The following MYO5A variants were observed in gnomAD, a reference collection of about 807,000 sequenced individuals.
MYO5A encodes the protein myosin VA, also known as unconventional myosin-Va.
A neutral mutation model predicts 249.7 loss-of-function variants in MYO5A; 98 were observed. The ratio of observed to expected loss-of-function variants is 0.39; its 90% confidence interval spans 0.33 to 0.46. MYO5A has a LOEUF of 0.46. Ranked by LOEUF, MYO5A falls within the 20% of genes least tolerant of loss-of-function variation. The probability of loss-of-function intolerance (pLI) is 0.98; values close to 1 mark genes in which losing one functional copy is unlikely to be tolerated. For synonymous variants in MYO5A, 778 were observed against 810.6 expected, an observed-to-expected ratio of 0.96 and a Z score of 0.68; for missense variants, 1,696 against 2,308.8, an observed-to-expected ratio of 0.73 and a Z score of 5.44.
At chr15:52,344,195 C>G (rs911629934) in intron 30 of MYO5A, among the ~76,000 whole-genome samples, 2 of 152,152 alleles carry the variant, frequency 1.3e-5, no homozygotes, top group Non-Finnish European at 2.9e-5. Flanking sequence ...GAGAATTCAC[C>G]TATTTACACG....
intron 28 of MYO5A, among the ~76,000 whole-genome samples, chr15:52,349,504 G>A: frequency 6.6e-6 from 1 of 152,158 alleles, no homozygotes; most frequent in Admixed American, 6.5e-5. Context: ...TTAGGGTCAG[G>A]AGAGCAGCTG....
At chr15:52,405,055 ACAC>A (rs1567094677) in intron 9 of MYO5A, among the ~76,000 whole-genome samples, 1 of 48,644 alleles carries the variant, frequency 2.1e-5, no homozygotes, top group Non-Finnish European at 4.6e-5. Flanking sequence ...TCTCTGTCAC[ACAC>A]ACACACACAC....
At position 52,371,846 on chromosome 15, in the gene MYO5A, G is replaced by A. The variant is rs545801030; in HGVS notation, c.2817+278C>T. ...GACCATGCCACTGAACTCTAGCCTG[G>A]GCGACAGAGTGAGACCCTGTCTCAA... On this transcript the variant is annotated intron_variant, in intron 21 of 41. Transcript: ENST00000399233. Among the ~76,000 whole-genome samples, 31 of 151,190 alleles carry A rather than the reference G, an allele frequency of 2.1e-4. 1 individual carries two copies. The East Asian group carries it at 6.0e-3, about 29-fold the overall frequency.
intron 1 of MYO5A, among the ~76,000 whole-genome samples, chr15:52,490,218 G>A (rs561559279): frequency 3.2e-4 from 48 of 152,180 alleles, no homozygotes; most frequent in Non-Finnish European, 5.6e-4. Flanking sequence ...CTATATAACC[G>A]AGGAATCCCA....
intron 1 of MYO5A, among the ~76,000 whole-genome samples, chr15:52,500,128 T>C (rs1416121000): frequency 1.3e-5 from 2 of 152,206 alleles, no homozygotes; most frequent in Non-Finnish European, 2.9e-5. Context: ...TTTTACATTA[T>C]CACCACCCGT....
chr15:52,375,012 G>A (rs1297277695), intron 20 of MYO5A, among the ~76,000 whole-genome samples: 1 of 152,048 alleles, frequency 6.6e-6, no homozygotes, highest in Non-Finnish European at 1.5e-5. Context: ...GTGCACAATG[G>A]CTCATACCTA....
At chr15:52,359,871 T>A in intron 25 of MYO5A, 97 bp downstream of exon 25, 1 of 830,860 alleles carries the variant, frequency 1.2e-6, no homozygotes, top group Non-Finnish European at 2.0e-6. Context: ...AAATACTATG[T>A]TTATGGCCAA....
At chr15:52,477,970 T>G (rs1251551627) in intron 1 of MYO5A, among the ~76,000 whole-genome samples, 2 of 152,188 alleles carry the variant, frequency 1.3e-5, no homozygotes, top group Non-Finnish European at 1.5e-5. Flanking sequence ...TCTGCAGAAG[T>G]TTCTGCTGCC....
chr15:52,397,630 T>C (rs1427173760), intron 9 of MYO5A, among the ~76,000 whole-genome samples, 164 bp from the exon 10 acceptor site: 2 of 152,216 alleles, frequency 1.3e-5, no homozygotes, highest in South Asian at 2.1e-4. Context: ...CATTCATCCA[T>C]TAAACTGGCA....
In MYO5A at chr15:52,317,652, A is replaced by G. The variant is rs140640052; in HGVS notation, c.5235-430T>C. On this transcript the variant is annotated intron_variant, in intron 39 of 41. Coordinates refer to ENST00000399233, the MANE Select transcript of MYO5A (RefSeq NM_001382347.1). The stretch of plus-strand genomic sequence containing the variant: ...CACTCTCTCTTAAGGCAAACTCCAA[A>G]TCAGGTAACTGAATAACCAAAAGCC... Among the ~76,000 whole-genome samples the G allele has an allele frequency of 8.2e-3, 1,251 of 152,306 alleles. 17 individuals carry two copies. The highest frequency in any genetic ancestry group is 0.027 in the African/African-American group (1,140 of 41,574).
intron 1 of MYO5A, among the ~76,000 whole-genome samples, chr15:52,477,709 G>A (rs113821355): frequency 0.15 from 22,859 of 152,142 alleles, 1,828 homozygotes; most frequent in Middle Eastern, 0.22. Flanking sequence ...TATCACCAGT[G>A]GAGGCTGCAG....
intron 1 of MYO5A, among the ~76,000 whole-genome samples, chr15:52,450,763 A>G (rs753527801): frequency 4.6e-5 from 7 of 151,134 alleles, no homozygotes; most frequent in Admixed American, 1.3e-4. Flanking sequence ...TCAGCCTCCC[A>G]GAGTGCTGGG....
chr15:52,499,355 T>C (rs2077106383), intron 1 of MYO5A, among the ~76,000 whole-genome samples: 1 of 152,204 alleles, frequency 6.6e-6, no homozygotes, highest in South Asian at 2.1e-4. Context: ...TTTACAACCT[T>C]TATCATTTTT....
intron 1 of MYO5A, chr15:52,505,973 G>A (rs1292283765): frequency 3.3e-6 from 3 of 910,120 alleles, no homozygotes; most frequent in Non-Finnish European, 4.8e-6. Flanking sequence ...CATCACTTTG[G>A]GAGGCTGAGG....
chr15:52,464,151 A>C (rs4630497), intron 1 of MYO5A, among the ~76,000 whole-genome samples: 602 of 152,306 alleles, frequency 4.0e-3, no homozygotes, highest in Middle Eastern at 0.024. Flanking sequence ...TAAAACCACT[A>C]CACAGTTTTG....
At chr15:52,366,903 T>A (rs1490959899) in intron 23 of MYO5A, 128 bp downstream of exon 23, 1 of 831,864 alleles carries the variant, frequency 1.2e-6, no homozygotes, top group East Asian at 2.8e-5. Context: ...ATAAATTTGC[T>A]GATGACAGCC....
At chr15:52,476,384 C>A (rs2076593447) in intron 1 of MYO5A, among the ~76,000 whole-genome samples, 1 of 152,070 alleles carries the variant, frequency 6.6e-6, no homozygotes. Context: ...AGCATTTAGC[C>A]CATTTACATT....
chr15:52,407,369 T>C lies in MYO5A; in HGVS notation c.869A>G (p.Gln290Arg), dbSNP rs368056746. The C allele has an allele frequency of 1.2e-6, 2 of 1,613,560 alleles. No individual in the cohort carries two copies. The highest frequency in any genetic ancestry group is 1.7e-6 in the Non-Finnish European group (2 of 1,179,550). Reference sequence around the variant, plus strand: ...TCCTTCAATCACAGGACTGCCTCCTTGTTTTGTGTAATTAAAGTTATCTGC... The same window carrying C: ...TCCTTCAATCACAGGACTGCCTCCTCGTTTTGTGTAATTAAAGTTATCTGC... ...GNADNFNYTK[Q>R]GGSPVIEGVD... Residue 290 changes from glutamine (Q) to arginine (R), a missense_variant, in exon 8 of 42, where the codon CAA becomes CGA. By Grantham distance (43) the Gln-to-Arg change is conservative. This residue lies in a region of MYO5A where 185 missense variants were observed against 204.8 expected (regional missense o/e 0.90). Coordinates refer to ENST00000399233, the MANE Select transcript of MYO5A (RefSeq NM_001382347.1).
intron 1 of MYO5A, among the ~76,000 whole-genome samples, chr15:52,516,873 A>G (rs763943961): frequency 6.6e-6 from 1 of 152,246 alleles, no homozygotes; most frequent in Non-Finnish European, 1.5e-5. Context: ...TATCATGTAT[A>G]GTAATTTAGA....
Sources: allele counts gnomAD v4.1 joint callset (sites outside exome capture counted in the v4.1 genomes callset), GRCh38; gene constraint gnomAD v4.1.1; regional missense constraint gnomAD v4.1.1; transcripts MANE v1.5; gene names NCBI Gene and HGNC (gene_info 2026-07-23, HGNC 2026-07-21).